The following DSCAM variants were observed in gnomAD, a reference collection of about 807,000 sequenced individuals.
DSCAM encodes the protein cell adhesion molecule DSCAM.
Under a neutral mutation model 217.7 loss-of-function variants are expected in DSCAM, and 47 were observed. That is an observed-to-expected ratio of 0.22 (90% CI 0.17 to 0.28). The LOEUF (loss-of-function observed/expected upper bound fraction) is 0.28. Ranked by LOEUF, DSCAM falls within the 10% of genes least tolerant of loss-of-function variation. The pLI is 1.00. For synonymous variants in DSCAM, 1,056 were observed against 1,015.3 expected, an observed-to-expected ratio of 1.04 and a Z score of -0.76; for missense variants, 2,080 against 2,618.3, an observed-to-expected ratio of 0.79 and a Z score of 4.49.
At chr21:40,464,241 A>C (rs2075827024) in intron 3 of DSCAM, among the ~76,000 whole-genome samples, 1 of 152,214 alleles carries the variant, frequency 6.6e-6, no homozygotes, top group Non-Finnish European at 1.5e-5. Context: ...CAATAAAAGT[A>C]AATCAGTAAA....
intron 32 of DSCAM, among the ~76,000 whole-genome samples, chr21:40,041,259 G>A (rs1340853981): frequency 1.3e-5 from 2 of 152,126 alleles, no homozygotes; most frequent in Admixed American, 1.3e-4. Flanking sequence ...CAATAAGATT[G>A]GATAGATCAG....
intron 3 of DSCAM, among the ~76,000 whole-genome samples, chr21:40,469,719 GA>G (rs2145965064): frequency 6.6e-6 from 1 of 152,192 alleles, no homozygotes; most frequent in African/African-American, 2.4e-5. Context: ...GAATAAGATT[GA>G]AAAAAATTAA....
intron 28 of DSCAM, among the ~76,000 whole-genome samples, chr21:40,059,970 G>A (rs1005611392): frequency 3.3e-5 from 5 of 152,216 alleles, no homozygotes; most frequent in African/African-American, 1.2e-4. Context: ...GTTAGGTAAT[G>A]AGGTTTTTGT....
chr21:40,255,186 C>G (rs1451778440), intron 11 of DSCAM, among the ~76,000 whole-genome samples: 1 of 152,112 alleles, frequency 6.6e-6, no homozygotes, highest in East Asian at 1.9e-4. Context: ...CATTGAGTAC[C>G]TGCTGTGTAT....
At chr21:40,577,012 T>A (rs4816690) in intron 3 of DSCAM, among the ~76,000 whole-genome samples, 12 of 149,098 alleles carry the variant, frequency 8.0e-5, no homozygotes, top group Admixed American at 4.0e-4. Context: ...AAAAAAAAAA[T>A]AAGATGCAAA....
chr21:40,295,320 A>G (rs965206183), intron 10 of DSCAM, among the ~76,000 whole-genome samples: 82 of 152,312 alleles, frequency 5.4e-4, no homozygotes, highest in African/African-American at 1.9e-3. Context: ...AGTACCGTTA[A>G]GGAGGCGTTC....
intron 3 of DSCAM, among the ~76,000 whole-genome samples, chr21:40,635,903 T>C (rs745347671): frequency 6.6e-6 from 1 of 152,124 alleles, no homozygotes; most frequent in Non-Finnish European, 1.5e-5. Flanking sequence ...AGGAACAAAG[T>C]AAACTCCTAA....
At chr21:40,711,450 G>A (rs983525265) in intron 1 of DSCAM, among the ~76,000 whole-genome samples, 16 of 152,124 alleles carry the variant, frequency 1.1e-4, no homozygotes, top group East Asian at 3.9e-4. Context: ...TGAGGGTAGC[G>A]GGTGGTCTCC....
chr21:40,836,998 T>C, intron 1 of DSCAM, among the ~76,000 whole-genome samples: 1 of 152,228 alleles, frequency 6.6e-6, no homozygotes, highest in Non-Finnish European at 1.5e-5. Context: ...CCTTTCTCTG[T>C]TCTCCCTGAC....
intron 11 of DSCAM, among the ~76,000 whole-genome samples, chr21:40,217,357 C>A (rs557897571): frequency 6.6e-6 from 1 of 152,116 alleles, no homozygotes; most frequent in Non-Finnish European, 1.5e-5. Context: ...GATTTCTGAG[C>A]CTTGTCAACA....
chr21:40,304,608 G>A (rs2074051814), intron 9 of DSCAM, among the ~76,000 whole-genome samples: 1 of 152,202 alleles, frequency 6.6e-6, no homozygotes. Context: ...TCTAGCTTTT[G>A]ATTTAAAGTG....
Position 40,679,733 on chromosome 21 carries a change from C to T in DSCAM, c.508+13077G>A, listed in dbSNP as rs142912167. 3.5e-3 allele frequency among the ~76,000 whole-genome samples: 529 copies of T among 152,160 alleles called. 5 individuals are homozygous for T. Among genetic ancestry groups the T allele is most frequent in the African/African-American group, 0.012 (487 of 41,512 alleles). On this transcript the variant is annotated intron_variant, in intron 3 of 32. Coordinates refer to ENST00000400454, the MANE Select transcript of DSCAM (RefSeq NM_001389.5). ...ACTTTTGCTATTTAAGAAAAATAAACGTTTTAATAAATAAGTAAAGAGTTG... is the reference window on the plus strand; with the variant it reads ...ACTTTTGCTATTTAAGAAAAATAAATGTTTTAATAAATAAGTAAAGAGTTG...
intron 3 of DSCAM, among the ~76,000 whole-genome samples, chr21:40,497,221 A>G (rs760332075): frequency 2.0e-5 from 3 of 152,232 alleles, no homozygotes; most frequent in Non-Finnish European, 4.4e-5. Flanking sequence ...ATTATTCACA[A>G]TAGACAAAAA....
intron 3 of DSCAM, among the ~76,000 whole-genome samples, chr21:40,599,722 G>A (rs1204984908): frequency 6.6e-6 from 1 of 152,006 alleles, no homozygotes; most frequent in Admixed American, 6.6e-5. Context: ...AGATAGACTA[G>A]TAAAGAAGAA....
Position 40,846,737 on chromosome 21 carries a change from T to A in DSCAM, c.-76A>T. ...CGCGCTCCGCCCGGCCCGGCTCCGC[T>A]CGCCGCTCGGCACCTGCCCGGGGGC... On this transcript the variant is annotated 5_prime_UTR_variant, in exon 1 of 33. Transcript: ENST00000400454. 1.5e-6 allele frequency: 1 copy of A among 675,928 alleles called. No individual in the cohort carries two copies. The highest frequency in any genetic ancestry group is 1.9e-6 in the Non-Finnish European group (1 of 539,538). 41.9% of individuals were successfully genotyped at this position (675,928 alleles called of 1,614,324 possible).
At chr21:40,069,542 T>G (rs572037903) in intron 27 of DSCAM, among the ~76,000 whole-genome samples, 12 of 152,348 alleles carry the variant, frequency 7.9e-5, no homozygotes, top group Non-Finnish European at 1.8e-4. Flanking sequence ...AGAAATCTTG[T>G]TTATAGCCAC....
At chr21:40,792,844 T>C (rs1336134114) in intron 1 of DSCAM, among the ~76,000 whole-genome samples, 1 of 152,170 alleles carries the variant, frequency 6.6e-6, no homozygotes, top group Non-Finnish European at 1.5e-5. Context: ...GCTCTGAATG[T>C]TAATTGAAAG....
intron 3 of DSCAM, among the ~76,000 whole-genome samples, chr21:40,569,112 T>G (rs938127416): frequency 6.6e-6 from 1 of 152,226 alleles, no homozygotes; most frequent in African/African-American, 2.4e-5. Context: ...CTACCCACTG[T>G]GCAGGAGAGC....
rs767546858 is a variant in DSCAM, at chr21:40,142,572, T to C, written c.3392A>G (p.Asn1131Ser). The C allele has an allele frequency of 1.9e-6, 3 of 1,614,110 alleles. No homozygotes were observed. Among genetic ancestry groups the C allele is most frequent in the African/African-American group, 1.3e-5 (1 of 75,038 alleles). Residue 1131 changes from asparagine (N) to serine (S), a missense_variant, in exon 18 of 33, where the codon AAC becomes AGC. Coordinates refer to ENST00000400454, the MANE Select transcript of DSCAM (RefSeq NM_001389.5). ...LQGFRVIYWANLMDGELGEIK... is the reference protein window; with the variant it reads ...LQGFRVIYWASLMDGELGEIK... ...AGTCCTCTTACCTCCGTCCATGAGG[T>C]TGGCCCAGTAAATGACTCTGAACCC...
Sources: gnomAD v4.1 joint callset for allele counts (sites outside exome capture counted in the v4.1 genomes callset) on GRCh38, gnomAD v4.1.1 for gene constraint, MANE v1.5 for transcripts, NCBI Gene and HGNC (gene_info 2026-07-23, HGNC 2026-07-21) for gene names.